The following ZNF385D variants were observed in gnomAD, a reference collection of about 807,000 sequenced individuals.
ZNF385D encodes the protein zinc finger protein 385D, also known as zinc finger protein 659.
In ZNF385D, 15 loss-of-function variants were observed where a neutral mutation model predicts 35.8. The ratio of observed to expected loss-of-function variants is 0.42; its 90% CI spans 0.28 to 0.64. The LOEUF is 0.64. Among genes scored for constraint, ZNF385D ranks in the 30% least tolerant of loss-of-function variants. The probability of loss-of-function intolerance (pLI) is 0.23; values close to 1 mark genes in which losing one functional copy is unlikely to be tolerated. For synonymous variants in ZNF385D, 212 were observed against 186.8 expected (o/e 1.13, Z -1.10); for missense variants, 474 against 494.6 (o/e 0.96, Z 0.39).
intron 3 of ZNF385D, among the ~76,000 whole-genome samples, chr3:21,789,720 G>C (rs11929284): frequency 2.0e-5 from 3 of 151,958 alleles, no homozygotes; most frequent in South Asian, 2.1e-4. Context: ...TGTAAAAAAA[G>C]ATAAATCAAG....
intron 3 of ZNF385D, among the ~76,000 whole-genome samples, chr3:22,070,849 C>T (rs1260818321): frequency 6.6e-6 from 1 of 152,128 alleles, no homozygotes; most frequent in African/African-American, 2.4e-5. Context: ...TTTCAACTGG[C>T]TTCAATTTAA....
rs141620078 is a variant in ZNF385D at position 22,315,338 on chromosome 3, G to A, written c.106+57112C>T. On this transcript the variant is annotated intron_variant, in intron 2 of 5. Coordinates refer to the ZNF385D transcript ENST00000494108. ...TGGACCTTCAGGCAGAGATGAACATGGAGAAGTTGGTTTATTAAGAGATAC... is the reference window on the plus strand; with the variant it reads ...TGGACCTTCAGGCAGAGATGAACATAGAGAAGTTGGTTTATTAAGAGATAC... Among the ~76,000 whole-genome samples, 423 of 152,250 alleles carry A rather than the reference G, an allele frequency of 2.8e-3. 3 individuals are homozygous for A. The highest frequency in any genetic ancestry group is 9.6e-3 in the African/African-American group (400 of 41,560).
chr3:21,727,510 A>G (rs762883764), intron 1 of ZNF385D, among the ~76,000 whole-genome samples: 20 of 152,244 alleles, frequency 1.3e-4, no homozygotes, highest in Non-Finnish European at 2.4e-4. Context: ...TGGGCAAAGG[A>G]TATGAACAGA....
chr3:22,284,800 G>C (rs1351260476), intron 2 of ZNF385D, among the ~76,000 whole-genome samples: 2 of 152,088 alleles, frequency 1.3e-5, no homozygotes, highest in African/African-American at 2.4e-5. Context: ...AATGTCAGGA[G>C]ATAGGAGAAA....
chr3:21,497,553 A>T (rs1034685199), intron 4 of ZNF385D, among the ~76,000 whole-genome samples: 11 of 152,142 alleles, frequency 7.2e-5, no homozygotes, highest in Non-Finnish European at 1.3e-4. Flanking sequence ...AATTTTTTTT[A>T]AATTCATATG....
At chr3:22,276,998 A>C (rs1034790324) in intron 2 of ZNF385D, among the ~76,000 whole-genome samples, 1 of 152,142 alleles carries the variant, frequency 6.6e-6, no homozygotes, top group Admixed American at 6.5e-5. Flanking sequence ...AACAGAAAAC[A>C]CAAGCAGTAG....
At chr3:21,962,553 T>C (rs1702655848) in intron 3 of ZNF385D, among the ~76,000 whole-genome samples, 1 of 152,214 alleles carries the variant, frequency 6.6e-6, no homozygotes, top group African/African-American at 2.4e-5. Flanking sequence ...AGAATTAGTT[T>C]CCTTCTTTTT....
rs17009283 is a variant in ZNF385D, at chr3:21,679,826, T to C, written c.23-14798A>G. On this transcript the variant is annotated intron_variant, in intron 1 of 7. Transcript: ENST00000281523. ...AACTGTTAGTGAGGCAGCCTGTGAGTAGCACTAAAAATACCCCCAAGTCAT... is the reference window on the plus strand; with the variant it reads ...AACTGTTAGTGAGGCAGCCTGTGAGCAGCACTAAAAATACCCCCAAGTCAT... 9.8e-3 allele frequency among the ~76,000 whole-genome samples: 1,490 copies of C among 152,142 alleles called. 48 individuals carry two copies. Among genetic ancestry groups the C allele is most frequent in the Admixed American group, 0.055 (845 of 15,240 alleles).
intron 3 of ZNF385D, among the ~76,000 whole-genome samples, chr3:21,826,204 C>G (rs1299568460): frequency 1.3e-5 from 2 of 152,126 alleles, no homozygotes; most frequent in African/African-American, 4.8e-5. Context: ...AATAGCTGGC[C>G]ACTATAGACT....
At chr3:21,964,417 AAAAAAAAAAAAAAAAG>A (rs1199569507) in intron 3 of ZNF385D, among the ~76,000 whole-genome samples, 67 of 93,198 alleles carry the variant, frequency 7.2e-4, no homozygotes, top group South Asian at 4.0e-3. Context: ...TTTTGTAAAA[AAAAAAAAAAAAAAAAG>A]AAAAAAAAAA....
intron 2 of ZNF385D, among the ~76,000 whole-genome samples, chr3:22,237,574 C>T (rs553070920): frequency 1.3e-5 from 2 of 152,230 alleles, no homozygotes; most frequent in African/African-American, 4.8e-5. Context: ...AAACTAATGC[C>T]TAATTCAAGG....
At chr3:21,580,885 G>C (rs770882501) in intron 2 of ZNF385D, among the ~76,000 whole-genome samples, 2 of 151,906 alleles carry the variant, frequency 1.3e-5, no homozygotes, top group Non-Finnish European at 2.9e-5. Flanking sequence ...CCCTAGAAAA[G>C]GTCCCTTCAA....
chr3:22,135,455 C>G (rs755224333), intron 3 of ZNF385D, among the ~76,000 whole-genome samples: 1 of 152,050 alleles, frequency 6.6e-6, no homozygotes, highest in Non-Finnish European at 1.5e-5. Flanking sequence ...TCTAACACTC[C>G]AGGCACTGTA....
intron 2 of ZNF385D, among the ~76,000 whole-genome samples, chr3:21,627,250 TGTG>T (rs2065160663): frequency 1.4e-5 from 1 of 69,980 alleles, no homozygotes; most frequent in African/African-American, 3.3e-5. Context: ...GTGTAGGGTG[TGTG>T]TGTGTGTGTG....
intron 2 of ZNF385D, among the ~76,000 whole-genome samples, chr3:22,180,099 G>A (rs181809153): frequency 1.5e-3 from 229 of 152,222 alleles, no homozygotes; most frequent in African/African-American, 5.2e-3. Flanking sequence ...AAATGATAAA[G>A]GGGATATAAC....
At chr3:21,495,660 C>A (rs1275055286) in intron 4 of ZNF385D, among the ~76,000 whole-genome samples, 3 of 151,858 alleles carry the variant, frequency 2.0e-5, no homozygotes, top group Admixed American at 2.0e-4. Flanking sequence ...AAGAGGAAAC[C>A]AGCCCCAAAA....
At chr3:21,458,344 A>G (rs1702953531) in intron 4 of ZNF385D, among the ~76,000 whole-genome samples, 1 of 150,824 alleles carries the variant, frequency 6.6e-6, no homozygotes, top group African/African-American at 2.4e-5. Flanking sequence ...TTATCCAGGT[A>G]TATGGCATGA....
chr3:21,885,916 T>G (rs1698523701), intron 3 of ZNF385D, among the ~76,000 whole-genome samples: 1 of 152,048 alleles, frequency 6.6e-6, no homozygotes. Flanking sequence ...TCTTTGTCTA[T>G]TAAGGTCTTC....
At chr3:22,315,439 G>A (rs1389663) in intron 2 of ZNF385D, among the ~76,000 whole-genome samples, 2 of 151,968 alleles carry the variant, frequency 1.3e-5, no homozygotes, top group South Asian at 2.1e-4. Context: ...GATGAGCTAC[G>A]CAGAGAATAG....
Sources: allele counts gnomAD v4.1 joint callset (sites outside exome capture counted in the v4.1 genomes callset), GRCh38; gene constraint gnomAD v4.1.1; transcripts MANE v1.5; gene names NCBI Gene and HGNC (gene_info 2026-07-23, HGNC 2026-07-21).